Variants in GPR15LG observed in about 807,000 individuals in gnomAD.
The protein encoded by GPR15LG is G protein-coupled receptor 15 ligand, also known as protein GPR15LG.
At chr10:84,174,284 A>G in the GPR15LG span, among the ~76,000 whole-genome samples, 1 of 152,086 alleles carries the variant, frequency 6.6e-6, no homozygotes, top group African/African-American at 2.4e-5. Flanking sequence ...AACAGAGTAA[A>G]TTAGTGTTGG....
chr10:84,184,761 G>A, the GPR15LG span: 1 of 1,613,832 alleles, frequency 6.2e-7, no homozygotes, highest in Non-Finnish European at 8.5e-7. Context: ...ACTCCCACAG[G>A]TGTAGCACTC....
chr10:84,183,764 G>A, the GPR15LG span, among the ~76,000 whole-genome samples: 8 of 151,952 alleles, frequency 5.3e-5, no homozygotes, highest in Non-Finnish European at 1.2e-4. Context: ...TCCCACCTCA[G>A]CCTCCTGAGT....
the GPR15LG span, chr10:84,184,695 C>T: frequency 6.2e-7 from 1 of 1,614,000 alleles, no homozygotes; most frequent in Non-Finnish European, 8.5e-7. Context: ...TCATGTGAGG[C>T]TCTGTAAACC....
At chr10:84,174,464 A>G in the GPR15LG span, among the ~76,000 whole-genome samples, 2 of 141,142 alleles carry the variant, frequency 1.4e-5, no homozygotes, top group Non-Finnish European at 3.1e-5. Flanking sequence ...AGATATGAAT[A>G]TTTAGCTCTC....
chr10:84,181,085 G>A, the GPR15LG span, among the ~76,000 whole-genome samples: 1 of 151,800 alleles, frequency 6.6e-6, no homozygotes, highest in Non-Finnish European at 1.5e-5. Context: ...GCAAAGAGGA[G>A]GGAGAGGGAG....
At chr10:84,184,794 G>GGAGA in the GPR15LG span, 4 of 1,612,854 alleles carry the variant, frequency 2.5e-6, no homozygotes, top group Middle Eastern at 1.6e-4. Flanking sequence ...TCCAGACAGC[G>GGAGA]GAGAACCTCA....
At chr10:84,184,931 C>T in the GPR15LG span, 1 of 1,470,350 alleles carries the variant, frequency 6.8e-7, no homozygotes, top group South Asian at 1.3e-5. Context: ...AACTCCACGT[C>T]CTTGTCTCAA....
the GPR15LG span, among the ~76,000 whole-genome samples, chr10:84,184,173 A>AAG: frequency 6.6e-6 from 1 of 152,090 alleles, no homozygotes; most frequent in East Asian, 1.9e-4. Flanking sequence ...AAAAAAAAAA[A>AAG]AAACTATAAA....
At chr10:84,179,242 A>G in the GPR15LG span, among the ~76,000 whole-genome samples, 20 of 152,326 alleles carry the variant, frequency 1.3e-4, no homozygotes, top group African/African-American at 4.6e-4. Flanking sequence ...TCACTGGACC[A>G]TGATGAGCCG....
chr10:84,174,043 G>A, the GPR15LG span: 15 of 750,198 alleles, frequency 2.0e-5, no homozygotes, highest in Non-Finnish European at 3.0e-5. Flanking sequence ...CCTGAGCCCC[G>A]GAAAGATGGG....
the GPR15LG span, chr10:84,184,935 G>A: frequency 6.8e-7 from 1 of 1,464,738 alleles, no homozygotes; most frequent in Non-Finnish European, 8.9e-7. Context: ...CCACGTCCTT[G>A]TCTCAATTGT....
At chr10:84,177,198 G>A in the GPR15LG span, among the ~76,000 whole-genome samples, 37 of 152,346 alleles carry the variant, frequency 2.4e-4, no homozygotes, top group Non-Finnish European at 2.5e-4. Flanking sequence ...TCTCCCTGAG[G>A]CCTGGGGACA....
the GPR15LG span, chr10:84,184,566 T>A: frequency 0.23 from 248,160 of 1,057,816 alleles, 31,377 homozygotes; most frequent in African/African-American, 0.35. Flanking sequence ...AATTTTTTTT[T>A]AAATGTGTTT....
At chr10:84,180,973 G>A in the GPR15LG span, among the ~76,000 whole-genome samples, 1 of 152,232 alleles carries the variant, frequency 6.6e-6, no homozygotes, top group East Asian at 1.9e-4. Context: ...GCAATCCCAG[G>A]CACTTGGCAG....
the GPR15LG span, chr10:84,176,501 C>T: frequency 1.2e-6 from 2 of 1,613,892 alleles, no homozygotes; most frequent in Non-Finnish European, 1.7e-6. Context: ...CCTGCCAAGG[C>T]CTGGTCAGGC....
At chr10:84,178,161 CACAA>C in the GPR15LG span, among the ~76,000 whole-genome samples, 485 of 151,638 alleles carry the variant, frequency 3.2e-3, 2 homozygotes, top group Non-Finnish European at 5.3e-3. Flanking sequence ...ATATACACAG[CACAA>C]ACACACACCA....
chr10:84,178,181 C>CTACA, the GPR15LG span, among the ~76,000 whole-genome samples: 330 of 151,812 alleles, frequency 2.2e-3, 1 homozygote, highest in African/African-American at 7.6e-3. Flanking sequence ...CACCACACAA[C>CTACA]TACACACACA....
At chr10:84,181,298 C>T in the GPR15LG span, among the ~76,000 whole-genome samples, 890 of 149,548 alleles carry the variant, frequency 6.0e-3, 12 homozygotes, top group African/African-American at 0.021. Context: ...TGACTGGTCT[C>T]TATCTATTGA....
chr10:84,176,454 C>A, the GPR15LG span: 1 of 1,550,718 alleles, frequency 6.4e-7, no homozygotes, highest in South Asian at 1.1e-5. Context: ...TAAAGACAGT[C>A]TCTCTTCCTT....
Sources: gnomAD v4.1 joint callset for allele counts (sites outside exome capture counted in the v4.1 genomes callset) on GRCh38, gnomAD v4.1.1 for gene constraint, MANE v1.5 for transcripts, NCBI Gene and HGNC (gene_info 2026-07-23, HGNC 2026-07-21) for gene names.